The following NPEPPS variants were observed in gnomAD, a reference collection of about 807,000 sequenced individuals.
The protein encoded by NPEPPS is puromycin-sensitive aminopeptidase.
Under a neutral mutation model 115.5 loss-of-function variants are expected in NPEPPS, and 14 were observed. The observed-to-expected ratio is 0.12, with a 90% CI of 0.08 to 0.19. The LOEUF (loss-of-function observed/expected upper bound fraction) is 0.19, where lower values mean the gene tolerates loss of function less well. Among genes scored for constraint, NPEPPS ranks in the 10% least tolerant of loss-of-function variants. The probability of loss-of-function intolerance (pLI) is 1.00; values close to 1 mark genes in which losing one functional copy is unlikely to be tolerated. For missense variants in NPEPPS, 523 were observed against 1,110.8 expected, an observed-to-expected ratio of 0.47 and a Z score of 7.52; for synonymous variants, 285 against 390.6, an observed-to-expected ratio of 0.73 and a Z score of 3.19.
intron 2 of NPEPPS, among the ~76,000 whole-genome samples, chr17:47,547,990 C>T (rs1406352879): frequency 6.6e-6 from 1 of 152,156 alleles, no homozygotes; most frequent in Non-Finnish European, 1.5e-5. Flanking sequence ...CGCGCCACTG[C>T]ACTCCAGCCT....
At chr17:47,561,790 C>T (rs1217874456) in intron 2 of NPEPPS, among the ~76,000 whole-genome samples, 2 of 152,166 alleles carry the variant, frequency 1.3e-5, no homozygotes, top group Non-Finnish European at 2.9e-5. Context: ...CATAAGACCC[C>T]CATTTCAGAA....
At chr17:47,608,769 A>G (rs1410815477) in intron 17 of NPEPPS, among the ~76,000 whole-genome samples, 4 of 152,174 alleles carry the variant, frequency 2.6e-5, no homozygotes, top group Non-Finnish European at 5.9e-5. Flanking sequence ...GAGGGGGGGT[A>G]TCCCAGAATT....
chr17:47,600,172 G>A (rs1460351583), intron 14 of NPEPPS, among the ~76,000 whole-genome samples: 1 of 152,116 alleles, frequency 6.6e-6, no homozygotes, highest in Non-Finnish European at 1.5e-5. Flanking sequence ...AGTGGTTCAC[G>A]CCTGTAGTCT....
intron 2 of NPEPPS, among the ~76,000 whole-genome samples, chr17:47,555,636 C>T (rs1909953356): frequency 6.6e-6 from 1 of 151,812 alleles, no homozygotes; most frequent in Admixed American, 6.6e-5. Context: ...CACAAGCCAC[C>T]GCGCCCGGCC....
chr17:47,562,616 GTGTGTGTGTGTGTGTGTATA>G lies in NPEPPS; in HGVS notation c.341-6791_341-6772del, dbSNP rs1278513671. Reference sequence around the variant, plus strand: ...GGCTTTTTTGATGCAGAGTGTGTGTGTGTGTGTGTGTGTGTGTATATGTGTGTGTTTGTAGAGGGCTAACA... The same window carrying G: ...GGCTTTTTTGATGCAGAGTGTGTGTGTGTGTGTGTTTGTAGAGGGCTAACA... On this transcript the variant is annotated intron_variant, in intron 2 of 22. Coordinates refer to ENST00000322157, the MANE Select transcript of NPEPPS (RefSeq NM_006310.4). Among the ~76,000 whole-genome samples, 17 of 151,204 alleles carry G rather than the reference GTGTGTGTGTGTGTGTGTATA, an allele frequency of 1.1e-4. No individual in the cohort carries two copies. The South Asian group carries it at 3.4e-3, about 30-fold the overall frequency.
intron 2 of NPEPPS, among the ~76,000 whole-genome samples, chr17:47,564,204 G>A (rs1461722047): frequency 1.3e-5 from 2 of 152,164 alleles, no homozygotes; most frequent in Non-Finnish European, 2.9e-5. Context: ...TTACAGGTGT[G>A]AGACACTGTG....
At chr17:47,529,711 C>G (rs1597800554), upstream of NPEPPS, among the ~76,000 whole-genome samples, 1 of 80,656 alleles carries the variant, frequency 1.2e-5, no homozygotes, top group Middle Eastern at 6.2e-3. Context: ...CCCTGGCCCC[C>G]CTTTTTAAAG....
intron 22 of NPEPPS, among the ~76,000 whole-genome samples, chr17:47,620,684 A>G (rs1345710088): frequency 6.6e-6 from 1 of 152,148 alleles, no homozygotes; most frequent in African/African-American, 2.4e-5. Flanking sequence ...AAGGTTATTG[A>G]TTTCTAAAAG....
rs1435816815 is a variant in NPEPPS, at chr17:47,605,432, C to T, written c.1975C>T (p.Leu659=). 6.2e-7 allele frequency: 1 copy of T among 1,610,430 alleles called. No homozygotes were observed. The highest frequency in any genetic ancestry group is 8.5e-7 in the Non-Finnish European group (1 of 1,178,298). Residue 659 remains leucine, a synonymous_variant, in exon 17 of 23, where the codon CTG becomes TTG. Coordinates refer to ENST00000322157, the MANE Select transcript of NPEPPS (RefSeq NM_006310.4). ...YTVWSDLSCN[L]GILSTLLSHT... is the part of the protein sequence containing the mutation. ...TGTATGGAGCGACCTGAGCTGTAAC[C>T]TGGGGATTCTCTCAACTCTCTTGTC... is the stretch of plus-strand genomic sequence containing the variant.
rs1206464715 is a variant in NPEPPS at position 47,540,695 on chromosome 17, T to G, written c.256-5214T>G. On this transcript the variant is annotated intron_variant, in intron 1 of 22. Transcript: ENST00000322157. Reference sequence around the variant, plus strand: ...AAACTGTTAGGTGAATGCTGTTAGATGATATGAGAGCACAATTTAACCTGT... The same window carrying G: ...AAACTGTTAGGTGAATGCTGTTAGAGGATATGAGAGCACAATTTAACCTGT... Among the ~76,000 whole-genome samples the G allele has an allele frequency of 2.0e-5, 3 of 152,356 alleles. No homozygotes were observed. The East Asian group carries it at 5.8e-4, about 29-fold the overall frequency.
intron 12 of NPEPPS, chr17:47,595,981 CAAAAAAA>C (rs34457526): frequency 3.1e-4 from 12 of 38,648 alleles, no homozygotes; most frequent in South Asian, 1.0e-3. Flanking sequence ...GACTCCATCT[CAAAAAAA>C]AAAAAAAAAA....
At chr17:47,585,097 T>C (rs1267215523) in intron 5 of NPEPPS, among the ~76,000 whole-genome samples, 2 of 152,226 alleles carry the variant, frequency 1.3e-5, no homozygotes, top group Non-Finnish European at 2.9e-5. Context: ...AAAGTGCTGG[T>C]ATTACAGGCG....
chr17:47,607,865 TAC>T (rs1913609107), intron 17 of NPEPPS, among the ~76,000 whole-genome samples: 1 of 152,214 alleles, frequency 6.6e-6, no homozygotes, highest in South Asian at 2.1e-4. Context: ...CTTTTAAAGA[TAC>T]AGAGTCTCGC....
upstream of NPEPPS, among the ~76,000 whole-genome samples, chr17:47,530,872 T>G (rs1907683904): frequency 6.6e-6 from 1 of 151,684 alleles, no homozygotes; most frequent in South Asian, 2.1e-4. Context: ...ATGCCTTTCC[T>G]TCCTCTGATC....
intron 9 of NPEPPS, among the ~76,000 whole-genome samples, chr17:47,589,304 G>A (rs1208211727): frequency 2.0e-5 from 3 of 152,046 alleles, no homozygotes; most frequent in East Asian, 1.9e-4. Flanking sequence ...CACCCAAGCC[G>A]GAGTGCAGTG....
chr17:47,544,752 C>T (rs1365271355), intron 1 of NPEPPS, among the ~76,000 whole-genome samples: 1 of 122,694 alleles, frequency 8.2e-6, no homozygotes, highest in Non-Finnish European at 1.6e-5. Flanking sequence ...CTCACTCTGT[C>T]GCCCAGGCTG....
intron 3 of NPEPPS, among the ~76,000 whole-genome samples, chr17:47,569,752 G>GGATT (rs1719788901): frequency 6.6e-6 from 1 of 152,076 alleles, no homozygotes; most frequent in South Asian, 2.1e-4. Context: ...CGAGTAGCTG[G>GGATT]GATTACAGGT....
At chr17:47,533,812 T>G (rs2611975) in intron 1 of NPEPPS, among the ~76,000 whole-genome samples, 2 of 152,154 alleles carry the variant, frequency 1.3e-5, no homozygotes, top group South Asian at 2.1e-4. Context: ...AATAAATTTT[T>G]TAAGTAGCAT....
intron 1 of NPEPPS, among the ~76,000 whole-genome samples, chr17:47,541,725 G>GT (rs1266612776): frequency 6.6e-6 from 1 of 152,042 alleles, no homozygotes; most frequent in East Asian, 1.9e-4. Context: ...AATTCTTTTT[G>GT]TTTTTTTGTT....
Sources: gnomAD v4.1 joint callset for allele counts (sites outside exome capture counted in the v4.1 genomes callset) on GRCh38, gnomAD v4.1.1 for gene constraint, MANE v1.5 for transcripts, NCBI Gene and HGNC (gene_info 2026-07-23, HGNC 2026-07-21) for gene names.